The following SLC66A2 variants were observed in gnomAD, a reference collection of about 807,000 sequenced individuals.
SLC66A2 encodes solute carrier family 66 member 2, also known as PQ loop repeat containing 1.
SLC66A2 carries 23 observed loss-of-function variants against 25.5 expected under a neutral mutation model. The ratio of observed to expected loss-of-function variants is 0.90; its 90% CI spans 0.65 to 1.28. The LOEUF (loss-of-function observed/expected upper bound fraction) is 1.28, where lower values mean the gene tolerates loss of function less well. Ranked by LOEUF, SLC66A2 falls within the 50% of genes most tolerant of loss-of-function variation. The probability of loss-of-function intolerance (pLI) is 0.00; values close to 1 mark genes in which losing one functional copy is unlikely to be tolerated. For synonymous variants in SLC66A2, 193 were observed against 166.5 expected, an observed-to-expected ratio of 1.16 and a Z score of -1.23; for missense variants, 396 against 373.1, an observed-to-expected ratio of 1.06 and a Z score of -0.51.
rs762311794 is a variant in SLC66A2 at position 79,927,708 on chromosome 18, G to T, written c.391+6261C>A. Among the ~76,000 whole-genome samples the T allele has an allele frequency of 6.6e-6, 1 of 152,156 alleles. No homozygotes were observed. Among genetic ancestry groups the T allele is most frequent in the African/African-American group, 2.4e-5 (1 of 41,450 alleles). ...GACAGGCTGAGTGGGGACTGAGCACGTCTAGGGCCAGAGTGGGAGGGCCAG... is the reference window on the plus strand; with the variant it reads ...GACAGGCTGAGTGGGGACTGAGCACTTCTAGGGCCAGAGTGGGAGGGCCAG... On this transcript the variant is annotated intron_variant, in intron 4 of 5. Transcript: ENST00000397778. This position sits in a 1 kb window ranked among gnomAD's most constrained non-coding sequence, Gnocchi z 6.2.
Position 79,904,093 on chromosome 18 carries a change from G to A in SLC66A2, c.699C>T (p.Cys233=), listed in dbSNP as rs756153339. The A allele has an allele frequency of 3.7e-5, 59 of 1,612,596 alleles. No homozygotes were observed. The highest frequency in any genetic ancestry group is 3.0e-4 in the South Asian group (27 of 91,072). ...GGTCCACCAGCACCTGCAGCAGGCCGCACACGGAGAACTGCAGAGGGGCAC... is the reference window on the plus strand; with the variant it reads ...GGTCCACCAGCACCTGCAGCAGGCCACACACGGAGAACTGCAGAGGGGCAC... The part of the protein sequence containing the change: ...LKGAPLQFSV[C]GLLQVLVDLA... Residue 233 remains cysteine (C), a synonymous_variant, in exon 6 of 6, where the codon TGC becomes TGT. Transcript: ENST00000397778. This position sits in a 1 kb window ranked among gnomAD's most constrained non-coding sequence, Gnocchi z 6.3.
chr18:79,934,557 ACACAGG>A (rs1986894265), intron 3 of SLC66A2, among the ~76,000 whole-genome samples: 1 of 152,216 alleles, frequency 6.6e-6, no homozygotes, highest in Non-Finnish European at 1.5e-5. Context: ...ACAGACACAG[ACACAGG>A]GACAATGTGA....
chr18:79,938,165 A>G lies in SLC66A2; in HGVS notation c.338-4143T>C, dbSNP rs534809896. Among the ~76,000 whole-genome samples, 36 of 152,058 alleles carry G rather than the reference A, an allele frequency of 2.4e-4. No individual in the cohort carries two copies. In the East Asian group the frequency reaches 7.0e-3, roughly 29 times the overall value. ...TGTCTCAAAAAAAAAAAAAAGAAAG[A>G]AAGAAAAAAGAAAAACCTGCAGGAA... is the stretch of plus-strand genomic sequence containing the variant. On this transcript the variant is annotated intron_variant, in intron 3 of 5. Coordinates refer to ENST00000397778, the MANE Select transcript of SLC66A2 (RefSeq NM_025078.5).
intron 5 of SLC66A2, among the ~76,000 whole-genome samples, chr18:79,907,619 A>G (rs1289160235): frequency 6.6e-6 from 1 of 152,072 alleles, no homozygotes; most frequent in Admixed American, 6.5e-5. Context: ...CCAAAGTGCT[A>G]GGATTACAGG....
intron 4 of SLC66A2, among the ~76,000 whole-genome samples, chr18:79,926,965 CCA>C (rs1481351513): frequency 6.6e-6 from 1 of 152,210 alleles, no homozygotes; most frequent in African/African-American, 2.4e-5. Context: ...TATCATACTC[CCA>C]CTTTAACTCT....
At chr18:79,933,432 T>G (rs560117169) in intron 4 of SLC66A2, among the ~76,000 whole-genome samples, 1 of 151,956 alleles carries the variant, frequency 6.6e-6, no homozygotes, top group Non-Finnish European at 1.5e-5. Context: ...TAAAAAGAAA[T>G]AAAAGCAACT....
Position 79,919,391 on chromosome 18 carries a change from G to C in SLC66A2, c.401C>G (p.Pro134Arg). 6.2e-7 allele frequency: 1 copy of C among 1,613,064 alleles called. No individual in the cohort carries two copies. Among genetic ancestry groups the C allele is most frequent in the Admixed American group, 1.7e-5 (1 of 60,026 alleles). ...APRRSFLDFD[P>R]HHFWQWSSFS... ...GCTGCTCCACTGCCAGAAGTGGTGG[G>C]GGTCGAAGTCTAGGGCGAGAGGGAG... Residue 134 changes from proline (P) to arginine (R), a missense_variant, in exon 5 of 6, where the codon CCC (proline) becomes CGC (arginine). Physicochemically the swap from Pro to Arg is moderately radical, Grantham distance 103. Transcript: ENST00000397778.
At chr18:79,949,612 C>G (rs892158915) in intron 2 of SLC66A2, 2 of 152,076 alleles carry the variant, frequency 1.3e-5, no homozygotes, top group African/African-American at 4.8e-5. Flanking sequence ...TGCAGTGAGC[C>G]GAGATTGTAC....
chr18:79,947,699 C>G (rs985763921), intron 2 of SLC66A2, among the ~76,000 whole-genome samples: 1 of 115,952 alleles, frequency 8.6e-6, no homozygotes, highest in Non-Finnish European at 1.9e-5. Flanking sequence ...CCTGCGCATG[C>G]GTGGAGCTGG....
intron 4 of SLC66A2, among the ~76,000 whole-genome samples, chr18:79,929,312 G>A (rs1986321661): frequency 6.6e-6 from 1 of 152,162 alleles, no homozygotes; most frequent in Non-Finnish European, 1.5e-5. Flanking sequence ...CCAACAGCTG[G>A]TTTGACCACC....
chr18:79,935,245 G>C (rs558466964), intron 3 of SLC66A2: 68 of 152,438 alleles, frequency 4.5e-4, no homozygotes, highest in African/African-American at 1.6e-3. Flanking sequence ...CCGGCAGGCT[G>C]GGGAAGAAGA....
intron 5 of SLC66A2, chr18:79,915,426 CG>C (rs1329858443): frequency 6.6e-6 from 1 of 152,324 alleles, no homozygotes; most frequent in Admixed American, 6.5e-5. Flanking sequence ...CGAGCCGACC[CG>C]ACGCTGCTGC....
At chr18:79,944,449 G>A (rs533607051) in intron 2 of SLC66A2, 1 of 152,556 alleles carries the variant, frequency 6.6e-6, no homozygotes, top group Non-Finnish European at 1.5e-5. Context: ...TTTGACCAGG[G>A]TTGAGCATCT....
At position 79,917,261 on chromosome 18, in the gene SLC66A2, T is replaced by C. The variant is rs1599537234; in HGVS notation, c.608+1923A>G. 6.6e-6 allele frequency among the ~76,000 whole-genome samples: 1 copy of C among 152,348 alleles called. No homozygotes were observed. The highest frequency in any genetic ancestry group is 2.4e-5 in the African/African-American group (1 of 41,586). On this transcript the variant is annotated intron_variant, in intron 5 of 5. Coordinates refer to ENST00000397778, the MANE Select transcript of SLC66A2 (RefSeq NM_025078.5). The surrounding 1 kb of genome is among the most constrained non-coding windows in gnomAD (Gnocchi z 6.0). ...CCAGCTGACGGGGCAGCCCCTGGGCTGAGACCTTGAACAACATGCCTGCGC... is the reference window on the plus strand; with the variant it reads ...CCAGCTGACGGGGCAGCCCCTGGGCCGAGACCTTGAACAACATGCCTGCGC...
chr18:79,911,173 C>A (rs1231486865), intron 5 of SLC66A2, among the ~76,000 whole-genome samples: 1 of 152,246 alleles, frequency 6.6e-6, no homozygotes, highest in Non-Finnish European at 1.5e-5. Flanking sequence ...GAGGCCCCAA[C>A]CACACAGGCA....
intron 3 of SLC66A2, among the ~76,000 whole-genome samples, chr18:79,934,430 A>C (rs1043998728): frequency 6.6e-6 from 1 of 152,212 alleles, no homozygotes; most frequent in African/African-American, 2.4e-5. Flanking sequence ...TGCGGCTGCA[A>C]TATAGCTGCC....
chr18:79,932,471 T>TA (rs34232059), intron 4 of SLC66A2, among the ~76,000 whole-genome samples: 6 of 146,348 alleles, frequency 4.1e-5, no homozygotes, highest in South Asian at 2.3e-4. Flanking sequence ...TGTGTTGTGT[T>TA]AAAAAAAGAA....
At position 79,917,867 on chromosome 18, in the gene SLC66A2, C is replaced by CAT. The variant is rs1242247854; in HGVS notation, c.608+1315_608+1316dup. The stretch of plus-strand genomic sequence containing the variant: ...ACCCCAACCTGTACCTACCTCACAC[C>CAT]ATGCCAGCACCCCACACCTGACCCA... On this transcript the variant is annotated intron_variant, in intron 5 of 5. Coordinates refer to ENST00000397778, the MANE Select transcript of SLC66A2 (RefSeq NM_025078.5). The surrounding 1 kb of genome is among the most constrained non-coding windows in gnomAD (Gnocchi z 6.0). Among the ~76,000 whole-genome samples, 2 of 151,936 alleles carry CAT rather than the reference C, an allele frequency of 1.3e-5. No individual in the cohort carries two copies. The highest frequency in any genetic ancestry group is 2.4e-5 in the African/African-American group (1 of 41,400).
In SLC66A2 at chr18:79,908,903, G is replaced by A. The variant is rs140045610; in HGVS notation, c.609-4720C>T. Among the ~76,000 whole-genome samples, 595 of 152,226 alleles carry A rather than the reference G, an allele frequency of 3.9e-3. 4 individuals carry two copies. The highest frequency in any genetic ancestry group is 3.4e-3 in the Middle Eastern group (1 of 294). On this transcript the variant is annotated intron_variant, in intron 5 of 5. Coordinates refer to ENST00000397778, the MANE Select transcript of SLC66A2 (RefSeq NM_025078.5). ...CGGTCTTCCCGTTCATTCCAAGAAC[G>A]TTTGCTCTTACCTGTTAGAGCACAG...
Sources: allele counts gnomAD v4.1 joint callset (sites outside exome capture counted in the v4.1 genomes callset), GRCh38; gene constraint gnomAD v4.1.1; non-coding constraint Gnocchi (gnomAD v3.1); transcripts MANE v1.5; gene names NCBI Gene and HGNC (gene_info 2026-07-23, HGNC 2026-07-21).